KCNMB4: variants seen among roughly 807,000 people sequenced by gnomAD.
KCNMB4 encodes potassium calcium-activated channel subfamily M regulatory beta subunit 4, also known as calcium-activated potassium channel subunit beta-4.
KCNMB4 carries 3 observed loss-of-function variants against 20.7 expected under a neutral mutation model. The observed-to-expected ratio is 0.14, with a 90% CI of 0.07 to 0.37. KCNMB4 has a LOEUF of 0.37. Among genes scored for constraint, KCNMB4 ranks in the 10% least tolerant of loss-of-function variants. The pLI is 1.00. For synonymous variants in KCNMB4, 110 were observed against 113.4 expected, an observed-to-expected ratio of 0.97 and a Z score of 0.19; for missense variants, 168 against 265.9, an observed-to-expected ratio of 0.63 and a Z score of 2.56.
chr12:70,383,694 A>G (rs1268967958), intron 1 of KCNMB4, among the ~76,000 whole-genome samples: 1 of 151,822 alleles, frequency 6.6e-6, no homozygotes, highest in African/African-American at 2.4e-5. Context: ...CAGTTGCATC[A>G]CTCCAGTTGC....
chr12:70,394,899 T>C (rs1216631754), intron 1 of KCNMB4, among the ~76,000 whole-genome samples: 1 of 152,136 alleles, frequency 6.6e-6, no homozygotes, highest in Non-Finnish European at 1.5e-5. Flanking sequence ...ACTCCTGAGC[T>C]CAAGTGATCC....
intron 1 of KCNMB4, among the ~76,000 whole-genome samples, chr12:70,371,648 A>G (rs1265270760): frequency 2.0e-5 from 3 of 152,238 alleles, no homozygotes; most frequent in Non-Finnish European, 4.4e-5. Context: ...TGGTATATAC[A>G]TAAAATTCAA....
chr12:70,423,726 C>T (rs1034756683), intron 2 of KCNMB4, among the ~76,000 whole-genome samples: 2 of 152,132 alleles, frequency 1.3e-5, no homozygotes, highest in African/African-American at 4.8e-5. Context: ...CCTCCCTCCT[C>T]GACCTCCCAA....
chr12:70,373,334 A>G (rs1465879132), intron 1 of KCNMB4, among the ~76,000 whole-genome samples: 1 of 152,230 alleles, frequency 6.6e-6, no homozygotes, highest in African/African-American at 2.4e-5. Flanking sequence ...TGGAATCACA[A>G]GGTACTTAAA....
chr12:70,381,193 A>G (rs570173748), intron 1 of KCNMB4, among the ~76,000 whole-genome samples: 3 of 152,338 alleles, frequency 2.0e-5, no homozygotes, highest in South Asian at 4.1e-4. Flanking sequence ...CAAAACCCCA[A>G]TGAAATACCA....
chr12:70,375,426 G>A (rs1316730590), intron 1 of KCNMB4, among the ~76,000 whole-genome samples: 1 of 151,480 alleles, frequency 6.6e-6, no homozygotes, highest in African/African-American at 2.4e-5. Context: ...CTTGAGGCCA[G>A]GAGTTCAAGA....
intron 2 of KCNMB4, 149 bp downstream of exon 2, chr12:70,400,485 C>A: frequency 1.3e-6 from 1 of 770,072 alleles, no homozygotes; most frequent in Non-Finnish European, 2.0e-6. Flanking sequence ...TATAATGAAT[C>A]TGCAGGACAG....
At chr12:70,406,017 G>T (rs959774312) in intron 2 of KCNMB4, among the ~76,000 whole-genome samples, 2 of 152,180 alleles carry the variant, frequency 1.3e-5, no homozygotes, top group Non-Finnish European at 2.9e-5. Flanking sequence ...AGTGAAAGAA[G>T]CCAGACACAA....
intron 1 of KCNMB4, among the ~76,000 whole-genome samples, chr12:70,377,576 G>T (rs1193693043): frequency 6.6e-6 from 1 of 152,140 alleles, no homozygotes; most frequent in Non-Finnish European, 1.5e-5. Context: ...GGTGGCTGTG[G>T]AAATTACTTA....
chr12:70,385,494 T>C (rs1177094998), intron 1 of KCNMB4, among the ~76,000 whole-genome samples: 3 of 152,168 alleles, frequency 2.0e-5, no homozygotes, highest in Admixed American at 2.0e-4. Context: ...TGCATAAGAG[T>C]TGGATAGAAA....
chr12:70,390,515 C>T (rs1442358787), intron 1 of KCNMB4, among the ~76,000 whole-genome samples: 1 of 152,206 alleles, frequency 6.6e-6, no homozygotes, highest in Non-Finnish European at 1.5e-5. Context: ...ACCATCAGGG[C>T]TCTCTCTGGG....
intron 2 of KCNMB4, among the ~76,000 whole-genome samples, chr12:70,417,241 A>T (rs1868935500): frequency 6.6e-6 from 1 of 152,154 alleles, no homozygotes; most frequent in African/African-American, 2.4e-5. Context: ...TCTTTTTCAG[A>T]GGTTTGGAGA....
chr12:70,401,625 C>T (rs1243445741), intron 2 of KCNMB4, among the ~76,000 whole-genome samples: 2 of 148,278 alleles, frequency 1.3e-5, no homozygotes, highest in African/African-American at 2.5e-5. Flanking sequence ...TGGCTTACTA[C>T]AGCAATGACA....
chr12:70,430,051 T>A (rs1397005059), intron 2 of KCNMB4, among the ~76,000 whole-genome samples: 3 of 150,562 alleles, frequency 2.0e-5, no homozygotes, highest in Non-Finnish European at 4.4e-5. Flanking sequence ...TTTTTTTTTT[T>A]ATCTGAATTA....
intron 1 of KCNMB4, among the ~76,000 whole-genome samples, chr12:70,398,078 T>C (rs568690440): frequency 1.3e-5 from 2 of 152,310 alleles, no homozygotes; most frequent in South Asian, 4.1e-4. Flanking sequence ...GGTTCTCTTG[T>C]GAACATTTTT....
chr12:70,392,521 C>T (rs561583344), intron 1 of KCNMB4, among the ~76,000 whole-genome samples: 27 of 152,272 alleles, frequency 1.8e-4, no homozygotes, highest in Middle Eastern at 3.4e-3. Context: ...TCTATAAAGA[C>T]ACATGCACAC....
At chr12:70,374,710 A>G (rs1257428871) in intron 1 of KCNMB4, among the ~76,000 whole-genome samples, 1 of 152,180 alleles carries the variant, frequency 6.6e-6, no homozygotes, top group Non-Finnish European at 1.5e-5. Flanking sequence ...AGGTTACTAG[A>G]TGGTCTCTTT....
At chr12:70,417,329 C>G (rs1868937680) in intron 2 of KCNMB4, among the ~76,000 whole-genome samples, 1 of 152,112 alleles carries the variant, frequency 6.6e-6, no homozygotes, top group African/African-American at 2.4e-5. Context: ...TCCTAGCATG[C>G]TGGGTCTGAA....
At chr12:70,417,423 A>C (rs1222649748) in intron 2 of KCNMB4, among the ~76,000 whole-genome samples, 1 of 152,198 alleles carries the variant, frequency 6.6e-6, no homozygotes, top group Non-Finnish European at 1.5e-5. Context: ...AGGTGAGTTG[A>C]AGGAACAGGA....
Sources: allele counts gnomAD v4.1 joint callset (sites outside exome capture counted in the v4.1 genomes callset), GRCh38; gene constraint gnomAD v4.1.1; transcripts MANE v1.5; gene names NCBI Gene and HGNC (gene_info 2026-07-23, HGNC 2026-07-21).